FTO: variants seen among roughly 807,000 people sequenced by gnomAD.
FTO encodes alpha-ketoglutarate-dependent dioxygenase FTO.
Under a neutral mutation model 63.9 loss-of-function variants are expected in FTO, and 47 were observed. That is an observed-to-expected ratio of 0.74 (90% CI 0.58 to 0.94). FTO has a LOEUF of 0.94. FTO is among the 40% of genes least tolerant of loss of function. The pLI, the probability that FTO is intolerant of heterozygous loss-of-function variation, is 0.00. For synonymous variants in FTO, 207 were observed against 224.4 expected (o/e 0.92, Z 0.69); for missense variants, 562 against 618.1 (o/e 0.91, Z 0.96).
intron 4 of FTO, among the ~76,000 whole-genome samples, chr16:53,862,188 C>T (rs947339550): frequency 7.2e-5 from 11 of 152,104 alleles, no homozygotes; most frequent in African/African-American, 2.7e-4. Context: ...GCAGAGGTTG[C>T]AGTGAGCTGA....
At chr16:54,088,196 CTTAT>C (rs1336707537) in intron 8 of FTO, among the ~76,000 whole-genome samples, 1 of 152,154 alleles carries the variant, frequency 6.6e-6, no homozygotes, top group African/African-American at 2.4e-5. Flanking sequence ...ATATGTTTTC[CTTAT>C]TTGTTTTACA....
Position 54,068,729 on chromosome 16 carries a change from C to T in FTO, c.1365-43033C>T, listed in dbSNP as rs147021974. Among the ~76,000 whole-genome samples, 507 of 152,208 alleles carry T rather than the reference C, an allele frequency of 3.3e-3. 4 individuals carry two copies. Among genetic ancestry groups the T allele is most frequent in the African/African-American group, 0.012 (489 of 41,514 alleles). ...TTTACTACTTACAATGGGGATTGGT[C>T]GGCTGATAGTTATTTGACCTCCCTT... On this transcript the variant is annotated intron_variant, in intron 8 of 8. Transcript: ENST00000471389.
intron 3 of FTO, among the ~76,000 whole-genome samples, chr16:53,830,811 G>A (rs536356506): frequency 3.3e-4 from 50 of 152,074 alleles, no homozygotes; most frequent in Admixed American, 5.2e-4. Flanking sequence ...CAGTAGAATT[G>A]CTTGAACCTG....
chr16:53,961,330 A>G (rs2083076622), intron 8 of FTO, among the ~76,000 whole-genome samples: 1 of 152,202 alleles, frequency 6.6e-6, no homozygotes, highest in Non-Finnish European at 1.5e-5. Flanking sequence ...ATTCCTGACT[A>G]TTAAAGCTAG....
At chr16:53,745,248 T>C (rs2076623771) in intron 1 of FTO, among the ~76,000 whole-genome samples, 1 of 152,202 alleles carries the variant, frequency 6.6e-6, no homozygotes, top group African/African-American at 2.4e-5. Context: ...TTGGCTTTTA[T>C]AGGGCGGCTC....
Position 53,981,692 on chromosome 16 carries a change from C to T in FTO, c.1364+47583C>T, listed in dbSNP as rs1251131739. 14 of 152,190 alleles carry T rather than the reference C, an allele frequency of 9.2e-5. 1 individual carries two copies. The highest frequency in any genetic ancestry group is 1.4e-4 in the African/African-American group (6 of 41,394). 9.4% of individuals were successfully genotyped at this position (152,190 alleles called of 1,614,324 possible). ...TGGGAGGCCGAGGCGGGCAGACCAT[C>T]TGAGGTCAGCAGTTTGAGACCAGCC... On this transcript the variant is annotated intron_variant, in intron 8 of 8. Coordinates refer to ENST00000471389, the MANE Select transcript of FTO (RefSeq NM_001080432.3).
intron 8 of FTO, among the ~76,000 whole-genome samples, chr16:53,980,650 A>C (rs2083521183): frequency 1.3e-5 from 2 of 152,248 alleles, no homozygotes; most frequent in African/African-American, 4.8e-5. Flanking sequence ...CCTCTTGTTT[A>C]TAAATCCAAG....
rs148564208 is a variant in FTO, at chr16:53,749,734, C to A, written c.45+45505C>A. Among the ~76,000 whole-genome samples the A allele has an allele frequency of 1.8e-3, 276 of 152,278 alleles. 3 individuals carry two copies. The highest frequency in any genetic ancestry group is 6.3e-3 in the African/African-American group (260 of 41,550). ...GATCACAAGCGTGAGCCACTGCGCC[C>A]GGCCAAGATTTTAATTCTTTACCAT... On this transcript the variant is annotated intron_variant, in intron 1 of 8. Transcript: ENST00000471389.
chr16:54,073,422 T>C (rs1232769749), intron 8 of FTO, among the ~76,000 whole-genome samples: 1 of 152,182 alleles, frequency 6.6e-6, no homozygotes, highest in Non-Finnish European at 1.5e-5. Flanking sequence ...AAGTTTATAA[T>C]GGTCTTCATC....
chr16:53,879,716 A>T, intron 5 of FTO, 128 bp from the exon 6 acceptor site: 173 of 660,420 alleles, frequency 2.6e-4, no homozygotes, highest in Non-Finnish European at 4.0e-4. Flanking sequence ...AAAAAAAAGG[A>T]GTATAGACTG....
chr16:53,845,435 G>A (rs551504569), intron 4 of FTO, among the ~76,000 whole-genome samples: 2 of 152,190 alleles, frequency 1.3e-5, no homozygotes, highest in Non-Finnish European at 1.5e-5. Context: ...TCGGAGTACA[G>A]AATAGCTCTT....
intron 8 of FTO, among the ~76,000 whole-genome samples, chr16:54,080,377 T>G (rs143560118): frequency 6.6e-6 from 1 of 152,230 alleles, no homozygotes; most frequent in Non-Finnish European, 1.5e-5. Flanking sequence ...TGCCAGGCAT[T>G]GTGCTATACA....
chr16:54,012,438 G>T (rs1167809690), intron 8 of FTO, among the ~76,000 whole-genome samples: 1 of 152,216 alleles, frequency 6.6e-6, no homozygotes, highest in African/African-American at 2.4e-5. Context: ...GAAGCAGCAA[G>T]TGCTGATACA....
At chr16:54,104,370 C>T (rs1182127542) in intron 8 of FTO, among the ~76,000 whole-genome samples, 12 of 147,140 alleles carry the variant, frequency 8.2e-5, no homozygotes, top group Admixed American at 1.4e-4. Flanking sequence ...TGGAGTGCAG[C>T]GGTTCGATCT....
Position 53,844,169 on chromosome 16 carries a change from A to G in FTO, c.766A>G (p.Ser256Gly). The G allele has an allele frequency of 6.2e-7, 1 of 1,613,946 alleles. No homozygotes were observed. The highest frequency in any genetic ancestry group is 8.5e-7 in the Non-Finnish European group (1 of 1,179,830). Residue 256 changes from serine (S) to glycine (G), a missense_variant, in exon 4 of 9, where the codon AGT becomes GGT. Coordinates refer to ENST00000471389, the MANE Select transcript of FTO (RefSeq NM_001080432.3). ...TCTTTTGGCAGGCCCTGAAGAGGAA[A>G]GTGAGGATGACTCTCATCTCGAAGG... is the stretch of plus-strand genomic sequence containing the variant. ...SYSCEGPEEE[S>G]EDDSHLEGRD...
At chr16:53,782,433 T>G (rs2151660362) in intron 1 of FTO, among the ~76,000 whole-genome samples, 1 of 152,280 alleles carries the variant, frequency 6.6e-6, no homozygotes, top group South Asian at 2.1e-4. Context: ...TTGGAAAATT[T>G]TTCAGTTTAT....
intron 8 of FTO, among the ~76,000 whole-genome samples, chr16:53,960,479 A>T (rs913951950): frequency 1.3e-5 from 2 of 152,186 alleles, no homozygotes; most frequent in African/African-American, 4.8e-5. Context: ...CCCATTTACT[A>T]GACTTTCATT....
rs1415648870 is a variant in FTO at position 54,115,918 on chromosome 16, G to A, written c.*4003G>A. ...TGGGTGAGATCTCAAGATGGCCTGC[G>A]GCCCCTCTAGATTGCCTGCCTACAG... is the stretch of plus-strand genomic sequence containing the variant. On this transcript the variant is annotated 3_prime_UTR_variant, in exon 9 of 9. Coordinates refer to ENST00000471389, the MANE Select transcript of FTO (RefSeq NM_001080432.3). The A allele has an allele frequency of 1.3e-5, 2 of 152,166 alleles. No homozygotes were observed. Among genetic ancestry groups the A allele is most frequent in the Admixed American group, 6.5e-5 (1 of 15,282 alleles). 9.4% of individuals were successfully genotyped at this position (152,166 alleles called of 1,614,324 possible).
At chr16:53,917,275 C>CT (rs1268367746) in intron 7 of FTO, among the ~76,000 whole-genome samples, 1 of 152,118 alleles carries the variant, frequency 6.6e-6, no homozygotes, top group Non-Finnish European at 1.5e-5. Flanking sequence ...CAGAAAGTTC[C>CT]TTATAGTTTG....
Sources: gnomAD v4.1 joint callset for allele counts (sites outside exome capture counted in the v4.1 genomes callset) on GRCh38, gnomAD v4.1.1 for gene constraint, MANE v1.5 for transcripts, NCBI Gene and HGNC (gene_info 2026-07-23, HGNC 2026-07-21) for gene names.